Variants in SPPL3 observed in about 807,000 individuals in gnomAD.
The protein encoded by SPPL3 is signal peptide peptidase like 3.
In SPPL3, 5 loss-of-function variants were observed where a neutral mutation model predicts 42.4. That is an observed-to-expected ratio of 0.12 (90% CI 0.06 to 0.25). The LOEUF (loss-of-function observed/expected upper bound fraction) is 0.25, where lower values mean the gene tolerates loss of function less well. Among genes scored for constraint, SPPL3 ranks in the 10% least tolerant of loss-of-function variants. The pLI is 1.00. For synonymous variants in SPPL3, 195 were observed against 181.8 expected (o/e 1.07, Z -0.58); for missense variants, 235 against 489.0 (o/e 0.48, Z 4.90).
chr12:120,877,325 C>T (rs1873135126), intron 1 of SPPL3, among the ~76,000 whole-genome samples: 1 of 152,146 alleles, frequency 6.6e-6, no homozygotes, highest in South Asian at 2.1e-4. Flanking sequence ...ACACCATCTT[C>T]CAGAAGAGGA....
intron 10 of SPPL3, among the ~76,000 whole-genome samples, chr12:120,765,707 C>CTGAGCA (rs1868863910): frequency 1.3e-5 from 2 of 151,518 alleles, no homozygotes; most frequent in South Asian, 4.2e-4. Flanking sequence ...TTTAGGCTCC[C>CTGAGCA]TGAGCAAGAA....
At chr12:120,806,563 G>A (rs1870498304) in intron 2 of SPPL3, among the ~76,000 whole-genome samples, 2 of 151,978 alleles carry the variant, frequency 1.3e-5, no homozygotes, top group African/African-American at 4.8e-5. Context: ...AGAAAACGTA[G>A]GAGAGCCAGG....
At chr12:120,784,048 T>G (rs1050599011) in intron 4 of SPPL3, among the ~76,000 whole-genome samples, 7 of 152,160 alleles carry the variant, frequency 4.6e-5, no homozygotes, top group African/African-American at 1.7e-4. Context: ...CATCAATACT[T>G]AGCTTGAAAA....
intron 1 of SPPL3, among the ~76,000 whole-genome samples, chr12:120,813,587 C>T (rs1421839605): frequency 1.3e-5 from 2 of 151,924 alleles, no homozygotes; most frequent in Non-Finnish European, 2.9e-5. Context: ...TCTCAAAGTG[C>T]TGGGATTACA....
intron 1 of SPPL3, among the ~76,000 whole-genome samples, chr12:120,876,255 G>A (rs1022939227): frequency 7.9e-5 from 12 of 151,926 alleles, no homozygotes; most frequent in African/African-American, 2.7e-4. Flanking sequence ...GAAATTAATA[G>A]AAGAAAAAAC....
chr12:120,802,215 A>G (rs1335958692), intron 2 of SPPL3, among the ~76,000 whole-genome samples: 1 of 151,796 alleles, frequency 6.6e-6, no homozygotes, highest in Non-Finnish European at 1.5e-5. Flanking sequence ...ACATGGGCTT[A>G]TATTTAGGTA....
intron 1 of SPPL3, among the ~76,000 whole-genome samples, chr12:120,875,511 C>A (rs1873056876): frequency 6.6e-6 from 1 of 151,880 alleles, no homozygotes; most frequent in South Asian, 2.1e-4. Flanking sequence ...CGCCCGTAAT[C>A]CCAACTACTC....
intron 2 of SPPL3, among the ~76,000 whole-genome samples, chr12:120,800,176 T>C (rs1225966180): frequency 6.6e-6 from 1 of 152,170 alleles, no homozygotes; most frequent in Non-Finnish European, 1.5e-5. Flanking sequence ...CCATCCAAAT[T>C]GTATCCTGGC....
At chr12:120,861,455 A>ATT (rs892136206) in intron 1 of SPPL3, among the ~76,000 whole-genome samples, 1 of 151,820 alleles carries the variant, frequency 6.6e-6, no homozygotes, top group Non-Finnish European at 1.5e-5. Context: ...AAAGAGTAAG[A>ATT]TTTTTTTTTA....
At chr12:120,769,732 G>T (rs900620548) in intron 6 of SPPL3, 2 of 152,204 alleles carry the variant, frequency 1.3e-5, no homozygotes, top group African/African-American at 4.8e-5. Context: ...TGTGTTTTTA[G>T]TAGAGATGGG....
At position 120,784,750 on chromosome 12, in the gene SPPL3, G is replaced by A. The variant is rs535730912; in HGVS notation, c.191-157C>T. 1.3e-3 allele frequency among the ~76,000 whole-genome samples: 197 copies of A among 152,200 alleles called. 1 individual carries two copies. Among genetic ancestry groups the A allele is most frequent in the African/African-American group, 4.6e-3 (190 of 41,512 alleles). ...CCTATGAGTCTTTCTTTCCCAACGA[G>A]ATTATGAGCTCCTTGTTCTCTTCAT... On this transcript the variant is annotated intron_variant, in intron 3 of 10. Coordinates refer to ENST00000353487, the MANE Select transcript of SPPL3 (RefSeq NM_139015.5).
In SPPL3 at chr12:120,768,405, T is replaced by C. The variant is rs755872365; in HGVS notation, c.693A>G (p.Leu231=). 9 of 1,614,182 alleles carry C rather than the reference T, an allele frequency of 5.6e-6. No homozygotes were observed. Among genetic ancestry groups the C allele is most frequent in the Non-Finnish European group, 7.6e-6 (9 of 1,180,022 alleles). ...TGGGCCCCAGGTGGAGCTTCCGGGATAGAACGTCAAGGGGATTGTCAGCCG... is the reference window on the plus strand; with the variant it reads ...TGGGCCCCAGGTGGAGCTTCCGGGACAGAACGTCAAGGGGATTGTCAGCCG... ...TQPADNPLDV[L]SRKLHLGPNV... The change falls in exon 8 of 11, where the codon CTA becomes CTG. Residue 231 remains leucine, a synonymous_variant. Coordinates refer to ENST00000353487, the MANE Select transcript of SPPL3 (RefSeq NM_139015.5).
intron 1 of SPPL3, among the ~76,000 whole-genome samples, chr12:120,822,002 C>T (rs911462214): frequency 1.3e-5 from 2 of 151,998 alleles, no homozygotes; most frequent in Admixed American, 6.6e-5. Flanking sequence ...AAAAAAGAGA[C>T]AAATATTGTT....
At chr12:120,862,279 T>C (rs995872247) in intron 1 of SPPL3, among the ~76,000 whole-genome samples, 1 of 152,190 alleles carries the variant, frequency 6.6e-6, no homozygotes, top group Non-Finnish European at 1.5e-5. Flanking sequence ...AATGTGTGGG[T>C]TTTTTCCATG....
At chr12:120,846,741 T>C (rs1026209102) in intron 1 of SPPL3, among the ~76,000 whole-genome samples, 1 of 152,180 alleles carries the variant, frequency 6.6e-6, no homozygotes. Flanking sequence ...GCTGGCAAAA[T>C]GGAATAGAAG....
chr12:120,766,988 CAT>C (rs1462556070), intron 9 of SPPL3, among the ~76,000 whole-genome samples: 1 of 152,240 alleles, frequency 6.6e-6, no homozygotes, highest in African/African-American at 2.4e-5. Flanking sequence ...TCTGCCTACA[CAT>C]GAGCTGGCTA....
At chr12:120,893,877 C>T (rs1873718721) in intron 1 of SPPL3, among the ~76,000 whole-genome samples, 1 of 152,162 alleles carries the variant, frequency 6.6e-6, no homozygotes, top group South Asian at 2.1e-4. Flanking sequence ...GTTAATTGTT[C>T]TTACCTCAAA....
intron 1 of SPPL3, among the ~76,000 whole-genome samples, chr12:120,876,808 T>TACACACACACAC (rs71076677): frequency 4.8e-5 from 7 of 146,592 alleles, no homozygotes; most frequent in African/African-American, 1.5e-4. Context: ...GAGAAACACA[T>TACACACACACAC]ACACACACAC....
chr12:120,851,728 T>C (rs1427941505), intron 1 of SPPL3, among the ~76,000 whole-genome samples: 1 of 152,146 alleles, frequency 6.6e-6, no homozygotes, highest in Non-Finnish European at 1.5e-5. Flanking sequence ...CTCATCCTCC[T>C]GAGTAGCTGG....
Sources: allele counts gnomAD v4.1 joint callset (sites outside exome capture counted in the v4.1 genomes callset), GRCh38; gene constraint gnomAD v4.1.1; transcripts MANE v1.5; gene names NCBI Gene and HGNC (gene_info 2026-07-23, HGNC 2026-07-21).